Variants in SCARA3 observed in about 807,000 individuals in gnomAD.
SCARA3 encodes the protein scavenger receptor class A member 3.
A neutral mutation model predicts 47.0 loss-of-function variants in SCARA3; 39 were observed. The ratio of observed to expected loss-of-function variants is 0.83; its 90% CI spans 0.64 to 1.08. The LOEUF (loss-of-function observed/expected upper bound fraction) is 1.08, where lower values mean the gene tolerates loss of function less well. Ranked by LOEUF, SCARA3 falls within the 50% of genes least tolerant of loss-of-function variation. The pLI is 0.00. For synonymous variants in SCARA3, 356 were observed against 334.1 expected (o/e 1.07, Z -0.71); for missense variants, 724 against 792.3 (o/e 0.91, Z 1.04).
chr8:27,706,353 G>A, the SCARA3 span, among the ~76,000 whole-genome samples: 56 of 152,100 alleles, frequency 3.7e-4, no homozygotes, highest in African/African-American at 1.1e-3. Flanking sequence ...GGTTTTCGCC[G>A]TGTTGGCCAG....
chr8:27,668,910 TGGTGGCATAGAAA>T (rs1389194477), intron 5 of SCARA3, among the ~76,000 whole-genome samples: 1 of 151,958 alleles, frequency 6.6e-6, no homozygotes, highest in Middle Eastern at 3.2e-3. Flanking sequence ...CCACCAAAGA[TGGTGGCATAGAAA>T]GGAATGGAGT....
chr8:27,717,077 A>C, the SCARA3 span, among the ~76,000 whole-genome samples: 1 of 152,222 alleles, frequency 6.6e-6, no homozygotes, highest in Non-Finnish European at 1.5e-5. Context: ...AATTCAAGGA[A>C]TCCCCAAGGA....
chr8:27,727,173 A>C, the SCARA3 span, among the ~76,000 whole-genome samples: 1 of 152,132 alleles, frequency 6.6e-6, no homozygotes. Flanking sequence ...GAGCCTCCCA[A>C]GTAGCTGGGA....
At chr8:27,666,812 C>A (rs888210403) in intron 5 of SCARA3, among the ~76,000 whole-genome samples, 1 of 152,140 alleles carries the variant, frequency 6.6e-6, no homozygotes, top group East Asian at 1.9e-4. Context: ...GCACTCTGCT[C>A]ACCCCACCCC....
At chr8:27,676,558 A>T (rs1802280644), downstream of SCARA3, 1 of 1,610,956 alleles carries the variant, frequency 6.2e-7, no homozygotes, top group African/African-American at 1.3e-5. Flanking sequence ...AATGTGTTTC[A>T]TCTATTCTAG....
upstream of SCARA3, among the ~76,000 whole-genome samples, chr8:27,633,533 C>G (rs1051502046): frequency 3.7e-4 from 56 of 152,212 alleles, no homozygotes; most frequent in Non-Finnish European, 7.3e-4. Flanking sequence ...CTGGGGTCCC[C>G]ACCCCTGCCC....
At chr8:27,647,703 G>GT (rs1801536657) in intron 1 of SCARA3, among the ~76,000 whole-genome samples, 3 of 152,176 alleles carry the variant, frequency 2.0e-5, no homozygotes, top group African/African-American at 4.8e-5. Context: ...GGGCAACAGG[G>GT]CCTTACGCTA....
the SCARA3 span, among the ~76,000 whole-genome samples, chr8:27,692,842 A>C: frequency 2.6e-5 from 4 of 151,920 alleles, no homozygotes; most frequent in Non-Finnish European, 5.9e-5. Context: ...ATCTTAATCT[A>C]GGCCGGGTAT....
the SCARA3 span, among the ~76,000 whole-genome samples, chr8:27,712,447 C>T: frequency 6.7e-6 from 1 of 149,136 alleles, no homozygotes; most frequent in Non-Finnish European, 1.5e-5. Context: ...CCTGTAGTCT[C>T]AGCTACTTGG....
At chr8:27,693,397 T>A in the SCARA3 span, among the ~76,000 whole-genome samples, 1 of 152,144 alleles carries the variant, frequency 6.6e-6, no homozygotes, top group Non-Finnish European at 1.5e-5. Flanking sequence ...TTTTACAGGG[T>A]TTAAAATTCC....
At chr8:27,688,428 A>T in the SCARA3 span, among the ~76,000 whole-genome samples, 1 of 151,340 alleles carries the variant, frequency 6.6e-6, no homozygotes, top group African/African-American at 2.4e-5. Context: ...AGGTGCAGTG[A>T]TTCACACCTG....
intron 1 of SCARA3, among the ~76,000 whole-genome samples, chr8:27,645,527 G>A (rs1313215381): frequency 6.6e-6 from 1 of 152,280 alleles, no homozygotes; most frequent in Non-Finnish European, 1.5e-5. Flanking sequence ...TCAAATGCGT[G>A]TTTGGATTCT....
chr8:27,730,488 A>ATTTT, the SCARA3 span, among the ~76,000 whole-genome samples: 101 of 137,186 alleles, frequency 7.4e-4, 1 homozygote, highest in Middle Eastern at 3.9e-3. Flanking sequence ...TCTGCCTTTG[A>ATTTT]TTTTTTTTTT....
At chr8:27,693,690 A>T in the SCARA3 span, among the ~76,000 whole-genome samples, 9 of 152,164 alleles carry the variant, frequency 5.9e-5, no homozygotes, top group Non-Finnish European at 1.2e-4. Flanking sequence ...ATCAACACAG[A>T]TCTTAAGTCT....
intron 3 of SCARA3, among the ~76,000 whole-genome samples, chr8:27,653,616 G>A (rs1393516951): frequency 2.3e-5 from 3 of 128,714 alleles, no homozygotes; most frequent in Non-Finnish European, 5.4e-5. Context: ...GTATGTGTGA[G>A]TCTGTGGATA....
intron 3 of SCARA3, among the ~76,000 whole-genome samples, chr8:27,654,269 G>A (rs1369953915): frequency 2.0e-5 from 3 of 152,010 alleles, no homozygotes; most frequent in Non-Finnish European, 4.4e-5. Context: ...TAAATTAAAT[G>A]TTAGAAAAGA....
In SCARA3 at chr8:27,659,329, C is replaced by T. The variant is rs1449469632; in HGVS notation, c.1159C>T (p.Leu387=). ...GGATGACGTGCGGCTCTCCTGCACG[C>T]TGGGCTTCCACACCCATGCCGAGGA... ...YLDDVRLSCT[L]GFHTHAEELY... The change falls in exon 5 of 6, where the codon CTG becomes TTG. Residue 387 remains leucine (L), a synonymous_variant. Transcript: ENST00000301904. The T allele has an allele frequency of 6.2e-7, 1 of 1,614,024 alleles. No homozygotes were observed. Among genetic ancestry groups the T allele is most frequent in the Non-Finnish European group, 8.5e-7 (1 of 1,180,034 alleles).
the SCARA3 span, among the ~76,000 whole-genome samples, chr8:27,723,694 G>A: frequency 2.6e-5 from 4 of 152,150 alleles, no homozygotes; most frequent in Non-Finnish European, 5.9e-5. Context: ...TGAACTTTGA[G>A]CAACCATGGA....
the SCARA3 span, among the ~76,000 whole-genome samples, chr8:27,722,202 C>A: frequency 1.2e-3 from 186 of 152,174 alleles, no homozygotes; most frequent in Non-Finnish European, 2.0e-3. Flanking sequence ...CTATTTGAAT[C>A]TAGAAGCCAG....
Sources: allele counts gnomAD v4.1 joint callset (sites outside exome capture counted in the v4.1 genomes callset), GRCh38; gene constraint gnomAD v4.1.1; transcripts MANE v1.5; gene names NCBI Gene and HGNC (gene_info 2026-07-23, HGNC 2026-07-21).